BBS9: variants seen among roughly 807,000 people sequenced by gnomAD.
The protein encoded by BBS9 is Bardet-Biedl syndrome 9, also known as protein PTHB1.
A neutral mutation model predicts 117.7 loss-of-function variants in BBS9; 89 were observed. The ratio of observed to expected loss-of-function variants is 0.76; its 90% confidence interval spans 0.64 to 0.90. The LOEUF is 0.90. BBS9 is among the 40% of genes least tolerant of loss of function. The probability of loss-of-function intolerance (pLI) is 0.00; values close to 1 mark genes in which losing one functional copy is unlikely to be tolerated. For synonymous variants in BBS9, 379 were observed against 370.9 expected (o/e 1.02, Z -0.25); for missense variants, 982 against 1,042.2 (o/e 0.94, Z 0.80).
At chr7:33,525,957 C>G (rs1849424821) in intron 20 of BBS9, among the ~76,000 whole-genome samples, 1 of 151,650 alleles carries the variant, frequency 6.6e-6, no homozygotes, top group South Asian at 2.1e-4. Flanking sequence ...GTGACAAAAT[C>G]TCTCAGCATT....
intron 19 of BBS9, among the ~76,000 whole-genome samples, chr7:33,427,490 A>T (rs1833820579): frequency 6.6e-6 from 1 of 152,050 alleles, no homozygotes; most frequent in East Asian, 1.9e-4. Context: ...GTTCCTATAG[A>T]TTTCCTTTTA....
At chr7:33,277,981 A>G (rs1183340359) in intron 9 of BBS9, among the ~76,000 whole-genome samples, 1 of 152,116 alleles carries the variant, frequency 6.6e-6, no homozygotes, top group Non-Finnish European at 1.5e-5. Flanking sequence ...CATTAGCTTT[A>G]CAAAGACAGT....
intron 5 of BBS9, among the ~76,000 whole-genome samples, chr7:33,228,922 T>C (rs1791808332): frequency 6.6e-6 from 1 of 152,154 alleles, no homozygotes; most frequent in Non-Finnish European, 1.5e-5. Flanking sequence ...ACAGTTGTTG[T>C]TCAAGGGTCA....
chr7:33,273,109 A>G lies in BBS9; in HGVS notation c.800A>G (p.Asn267Ser). Reference sequence around the variant, plus strand: ...TCTGTTTTTGTTCTTGGTGAGAGAAACTTTTTTTGCCTTAAGGATAATGGA... The same window carrying G: ...TCTGTTTTTGTTCTTGGTGAGAGAAGCTTTTTTTGCCTTAAGGATAATGGA... ...ASSVFVLGERNFFCLKDNGQI... is the reference protein window; with the variant it reads ...ASSVFVLGERSFFCLKDNGQI... The change falls in exon 8 of 23, where the codon AAC (asparagine) becomes AGC (serine). Residue 267 changes from asparagine to serine, a missense_variant. Asn to Ser is a conservative substitution (Grantham distance 46, BLOSUM62 1). Transcript: ENST00000242067. 2 of 1,613,722 alleles carry G rather than the reference A, an allele frequency of 1.2e-6. No individual in the cohort carries two copies. Among genetic ancestry groups the G allele is most frequent in the Non-Finnish European group, 8.5e-7 (1 of 1,179,796 alleles).
chr7:33,476,459 C>T (rs1170941804), intron 19 of BBS9, among the ~76,000 whole-genome samples: 1 of 152,238 alleles, frequency 6.6e-6, no homozygotes, highest in Admixed American at 6.5e-5. Flanking sequence ...GTCGGTGTTG[C>T]TCCATTGCCC....
chr7:33,572,910 A>C, intron 21 of BBS9, among the ~76,000 whole-genome samples: 1 of 152,056 alleles, frequency 6.6e-6, no homozygotes, highest in South Asian at 2.1e-4. Flanking sequence ...CAGTGGTTAT[A>C]CTTCACTACT....
intron 9 of BBS9, among the ~76,000 whole-genome samples, chr7:33,279,891 GT>G (rs1368723541): frequency 2.0e-5 from 3 of 152,290 alleles, no homozygotes; most frequent in African/African-American, 7.2e-5. Flanking sequence ...TCATTTATCA[GT>G]AATGTTACTT....
chr7:33,157,061 G>A (rs994154048), intron 4 of BBS9, among the ~76,000 whole-genome samples: 2 of 152,066 alleles, frequency 1.3e-5, no homozygotes, highest in African/African-American at 4.8e-5. Context: ...ATACTTCTTT[G>A]GCAATTAGTT....
intron 9 of BBS9, among the ~76,000 whole-genome samples, chr7:33,330,084 G>C (rs2128607658): frequency 6.6e-6 from 1 of 152,050 alleles, no homozygotes; most frequent in African/African-American, 2.4e-5. Flanking sequence ...CATGATCTCG[G>C]CTCACTGCAA....
At chr7:33,374,255 G>T (rs746879833) in intron 17 of BBS9, among the ~76,000 whole-genome samples, 1 of 152,100 alleles carries the variant, frequency 6.6e-6, no homozygotes, top group Non-Finnish European at 1.5e-5. Context: ...ATATCCTGAT[G>T]CTTGATAAAG....
At chr7:33,501,070 A>G (rs902730915) in intron 19 of BBS9, among the ~76,000 whole-genome samples, 8 of 152,198 alleles carry the variant, frequency 5.3e-5, no homozygotes, top group African/African-American at 1.9e-4. Flanking sequence ...ACACTAGGGA[A>G]CACACATCTT....
chr7:33,296,228 C>G (rs143644905), intron 9 of BBS9, among the ~76,000 whole-genome samples: 1 of 152,182 alleles, frequency 6.6e-6, no homozygotes, highest in East Asian at 1.9e-4. Flanking sequence ...GTTAGAGACT[C>G]CTGATAGTTA....
chr7:33,139,191 G>C (rs1236030560), intron 1 of BBS9, among the ~76,000 whole-genome samples: 1 of 151,268 alleles, frequency 6.6e-6, no homozygotes, highest in African/African-American at 2.4e-5. Context: ...AGTGGAGGTT[G>C]CGGTGAGCTG....
chr7:33,234,699 C>CCACACA (rs58160238), intron 5 of BBS9, among the ~76,000 whole-genome samples: 1,505 of 149,872 alleles, frequency 0.01, 18 homozygotes, highest in South Asian at 0.04. Context: ...CTCCATCTAT[C>CCACACA]CACACACACA....
At chr7:33,191,713 A>C (rs1399374208) in intron 5 of BBS9, among the ~76,000 whole-genome samples, 1 of 152,214 alleles carries the variant, frequency 6.6e-6, no homozygotes, top group African/African-American at 2.4e-5. Flanking sequence ...AATTGAATTT[A>C]ATTGAGTGCT....
chr7:33,383,762 T>A lies in BBS9; in HGVS notation c.1886T>A (p.Val629Asp). 6.2e-7 allele frequency: 1 copy of A among 1,612,798 alleles called. No homozygotes were observed. The highest frequency in any genetic ancestry group is 1.7e-5 in the Admixed American group (1 of 59,938). ...CAAGAATATTTTGAAAAACAGGGAG[T>A]CAAAGATTTTGCATGTTCTTTTTCG... The part of the protein sequence containing the change: ...RLQEYFEKQG[V>D]KDFACSFSGS... The change falls in exon 18 of 23, where the codon GTC becomes GAC. Residue 629 changes from valine to aspartate, a missense_variant. By Grantham distance (152) the Val-to-Asp change is radical. Coordinates refer to ENST00000242067, the MANE Select transcript of BBS9 (RefSeq NM_198428.3).
chr7:33,376,144 T>C (rs901130703), intron 17 of BBS9, among the ~76,000 whole-genome samples: 3 of 152,076 alleles, frequency 2.0e-5, no homozygotes, highest in African/African-American at 7.2e-5. Context: ...CTAAGTGTAG[T>C]ACCTGAAAAT....
intron 17 of BBS9, chr7:33,379,911 A>C (rs1230153879): frequency 6.6e-6 from 1 of 152,264 alleles, no homozygotes; most frequent in African/African-American, 2.4e-5. Context: ...ACCTGGTGGA[A>C]GCTCTCTAAT....
chr7:33,383,594 A>C (rs540592837), intron 17 of BBS9, 72 bp from the exon 18 acceptor site: 2 of 1,304,984 alleles, frequency 1.5e-6, no homozygotes, highest in African/African-American at 1.5e-5. Context: ...AGTCAGGATT[A>C]GTGATAGTTC....
Sources: gnomAD v4.1 joint callset for allele counts (sites outside exome capture counted in the v4.1 genomes callset) on GRCh38, gnomAD v4.1.1 for gene constraint, MANE v1.5 for transcripts, NCBI Gene and HGNC (gene_info 2026-07-23, HGNC 2026-07-21) for gene names.